Variants in EIF2AK3 observed in about 807,000 individuals in gnomAD.
EIF2AK3 encodes eukaryotic translation initiation factor 2 alpha kinase 3.
Under a neutral mutation model 113.5 loss-of-function variants are expected in EIF2AK3, and 50 were observed. That is an observed-to-expected ratio of 0.44 (90% CI 0.35 to 0.56). EIF2AK3 has a LOEUF of 0.56. Among genes scored for constraint, EIF2AK3 ranks in the 20% least tolerant of loss-of-function variants. The pLI, the probability that EIF2AK3 is intolerant of heterozygous loss-of-function variation, is 0.00. For missense variants in EIF2AK3, 1,185 were observed against 1,378.0 expected, an observed-to-expected ratio of 0.86 and a Z score of 2.22; for synonymous variants, 448 against 495.4, an observed-to-expected ratio of 0.90 and a Z score of 1.27.
At chr2:88,622,292 A>C (rs1379625734) in intron 1 of EIF2AK3, among the ~76,000 whole-genome samples, 3 of 152,266 alleles carry the variant, frequency 2.0e-5, no homozygotes, top group Admixed American at 6.5e-5. Flanking sequence ...TCTGCAACTT[A>C]CAAGTTTTCT....
chr2:88,591,206 T>C (rs546924601), intron 4 of EIF2AK3, among the ~76,000 whole-genome samples, 154 bp from the exon 5 acceptor site: 1 of 152,324 alleles, frequency 6.6e-6, no homozygotes, highest in African/African-American at 2.4e-5. Flanking sequence ...TACTGATTTA[T>C]GCCACAAGAG....
intron 1 of EIF2AK3, among the ~76,000 whole-genome samples, chr2:88,614,113 A>G (rs184831855): frequency 2.6e-5 from 4 of 152,204 alleles, no homozygotes; most frequent in African/African-American, 4.8e-5. Context: ...AAGGAACACA[A>G]TGTCCCCTGG....
intron 10 of EIF2AK3, among the ~76,000 whole-genome samples, chr2:88,582,461 T>C (rs1674623726): frequency 2.0e-5 from 3 of 151,982 alleles, no homozygotes. Context: ...CCGGCTGAGG[T>C]GTTGTTCTCC....
intron 3 of EIF2AK3, among the ~76,000 whole-genome samples, chr2:88,595,099 A>T (rs1674985312): frequency 6.7e-6 from 1 of 149,222 alleles, no homozygotes; most frequent in Non-Finnish European, 1.5e-5. Context: ...AGGCTGAGGC[A>T]CAAGAATCGC....
intron 2 of EIF2AK3, among the ~76,000 whole-genome samples, chr2:88,598,463 G>C (rs1258640998): frequency 1.3e-5 from 2 of 152,142 alleles, no homozygotes; most frequent in African/African-American, 4.8e-5. Flanking sequence ...CCCTGAGAGA[G>C]ACTGCATCAC....
intron 8 of EIF2AK3, among the ~76,000 whole-genome samples, chr2:88,586,771 T>C (rs1674741357): frequency 6.6e-6 from 1 of 151,390 alleles, no homozygotes; most frequent in Admixed American, 6.6e-5. Context: ...TTTGTATTTT[T>C]AGTAAAGATG....
At chr2:88,564,458 C>T (rs933391574) in intron 14 of EIF2AK3, among the ~76,000 whole-genome samples, 5 of 152,150 alleles carry the variant, frequency 3.3e-5, no homozygotes, top group African/African-American at 1.2e-4. Flanking sequence ...AAAATTTCTA[C>T]AGCTATCCTA....
intron 8 of EIF2AK3, among the ~76,000 whole-genome samples, 179 bp from the exon 9 acceptor site, chr2:88,586,240 A>T (rs1674729581): frequency 6.6e-6 from 1 of 152,152 alleles, no homozygotes; most frequent in Non-Finnish European, 1.5e-5. Flanking sequence ...CCGTAAATAT[A>T]GACATTTTCC....
intron 10 of EIF2AK3, 184 bp from the exon 11 acceptor site, chr2:88,579,824 CATTCTT>C: frequency 1.8e-6 from 1 of 549,458 alleles, no homozygotes; most frequent in Non-Finnish European, 3.2e-6. Context: ...GAAGCAAACA[CATTCTT>C]ATGTTTCCTA....
At chr2:88,567,213 C>CTT (rs11376901) in intron 14 of EIF2AK3, among the ~76,000 whole-genome samples, 11 of 147,958 alleles carry the variant, frequency 7.4e-5, no homozygotes, top group South Asian at 4.2e-4. Flanking sequence ...CCTTTCTAAC[C>CTT]TTTTTTTTTT....
At chr2:88,558,697 G>C (rs1162495353) in intron 16 of EIF2AK3, among the ~76,000 whole-genome samples, 1 of 152,158 alleles carries the variant, frequency 6.6e-6, no homozygotes, top group Non-Finnish European at 1.5e-5. Context: ...AAATTTCACA[G>C]GTGCTACAGT....
At chr2:88,573,110 CTTT>C (rs112158228) in intron 13 of EIF2AK3, among the ~76,000 whole-genome samples, 2 of 128,306 alleles carry the variant, frequency 1.6e-5, no homozygotes, top group Non-Finnish European at 1.7e-5. Flanking sequence ...AAAATCTTGG[CTTT>C]TTTTTTTTTT....
rs573666699 is a variant in EIF2AK3, at chr2:88,579,350, TAAC to T, written c.1886+165_1886+167del. On this transcript the variant is annotated intron_variant, in intron 11 of 16. Transcript: ENST00000303236. Reference sequence around the variant, plus strand: ...GTAGATAGAAAGCAACCTATAGAGATAACAACTTTTAGACAGCTGGTTAATTGG... The same window carrying T: ...GTAGATAGAAAGCAACCTATAGAGATAACTTTTAGACAGCTGGTTAATTGG... Among the ~76,000 whole-genome samples the T allele has an allele frequency of 1.1e-3, 175 of 152,344 alleles. 1 individual carries two copies. The highest frequency in any genetic ancestry group is 4.0e-3 in the African/African-American group (165 of 41,584).
Position 88,557,030 on chromosome 2 carries a change from T to C in EIF2AK3, c.*706A>G, listed in dbSNP as rs964547937. The C allele has an allele frequency of 6.6e-6, 1 of 152,484 alleles. No homozygotes were observed. The highest frequency in any genetic ancestry group is 2.1e-4 in the South Asian group (1 of 4,824). 9.4% of individuals were successfully genotyped at this position (152,484 alleles called of 1,614,324 possible). On this transcript the variant is annotated 3_prime_UTR_variant, in exon 17 of 17. Transcript: ENST00000303236. The stretch of plus-strand genomic sequence containing the variant: ...ATAGTTGAAGAAGTTAGTTGTAATA[T>C]ATATGATCCATTTCTTACTACGGCT...
intron 11 of EIF2AK3, among the ~76,000 whole-genome samples, chr2:88,578,493 G>A (rs1459082626): frequency 1.3e-5 from 2 of 152,060 alleles, no homozygotes; most frequent in South Asian, 2.1e-4. Context: ...GACCAGCCTG[G>A]CCAACATAGT....
At position 88,576,582 on chromosome 2, in the gene EIF2AK3, T is replaced by A. The variant is rs999686631; in HGVS notation, c.2008A>T (p.Met670Leu). The A allele has an allele frequency of 2.5e-6, 4 of 1,614,164 alleles. No homozygotes were observed. The highest frequency in any genetic ancestry group is 3.3e-5 in the Admixed American group (2 of 60,024). ...TCATCTTTCAGCCAAATTTCATCCATCTTTTCTTGCCACTTCTCTGGTGGT... is the reference window on the plus strand; with the variant it reads ...TCATCTTTCAGCCAAATTTCATCCAACTTTTCTTGCCACTTCTCTGGTGGT... ...EAPPEKWQEK[M>L]DEIWLKDEST... Residue 670 changes from methionine (M) to leucine (L), a missense_variant, in exon 12 of 17, where the codon ATG becomes TTG. By Grantham distance (15) the Met-to-Leu change is conservative. This residue lies in a region of EIF2AK3 where 877 missense variants were observed against 1,024.2 expected (regional missense o/e 0.86). Transcript: ENST00000303236.
chr2:88,579,968 C>T, intron 10 of EIF2AK3: 1 of 272,952 alleles, frequency 3.7e-6, no homozygotes, highest in Non-Finnish European at 7.1e-6. Context: ...ATATCATATT[C>T]CTAATCCTCA....
chr2:88,579,511 C>A lies in EIF2AK3; in HGVS notation c.1886+7G>T. On this transcript the variant is annotated splice_region_variant and intron_variant, in intron 11 of 16. Coordinates refer to ENST00000303236, the MANE Select transcript of EIF2AK3 (RefSeq NM_004836.7). ...ATTTCAAGTTTACTGAAGGTACCAC[C>A]CATTACCTATTGGGGAGACGGATCC... 6.2e-7 allele frequency: 1 copy of A among 1,613,476 alleles called. No individual in the cohort carries two copies.
chr2:88,561,954 G>A (rs980045852), intron 15 of EIF2AK3, among the ~76,000 whole-genome samples: 3 of 152,204 alleles, frequency 2.0e-5, no homozygotes, highest in East Asian at 1.9e-4. Flanking sequence ...TAATCTGCCA[G>A]CTTTTAAATA....
Sources: gnomAD v4.1 joint callset for allele counts (sites outside exome capture counted in the v4.1 genomes callset) on GRCh38, gnomAD v4.1.1 for gene constraint, gnomAD v4.1.1 regional missense constraint, MANE v1.5 for transcripts, NCBI Gene and HGNC (gene_info 2026-07-23, HGNC 2026-07-21) for gene names.